The following AOAH variants were observed in gnomAD, a reference collection of about 807,000 sequenced individuals.
The protein encoded by AOAH is acyloxyacyl hydrolase.
A neutral mutation model predicts 92.2 loss-of-function variants in AOAH; 64 were observed. The ratio of observed to expected loss-of-function variants is 0.69; its 90% CI spans 0.57 to 0.86. AOAH has a LOEUF of 0.86. Among genes scored for constraint, AOAH ranks in the 40% least tolerant of loss-of-function variants. The pLI is 0.00. For missense variants in AOAH, 656 were observed against 694.6 expected, an observed-to-expected ratio of 0.94 and a Z score of 0.62; for synonymous variants, 263 against 254.5, an observed-to-expected ratio of 1.03 and a Z score of -0.32.
intron 1 of AOAH, 77 bp from the exon 2 acceptor site, chr7:36,686,871 C>T (rs1584116433): frequency 1.9e-5 from 10 of 519,318 alleles, no homozygotes; most frequent in Non-Finnish European, 2.6e-5. Flanking sequence ...AGAAAGGATG[C>T]GTGTGTGTGT....
At chr7:36,631,647 G>C (rs1032656508) in intron 6 of AOAH, among the ~76,000 whole-genome samples, 2 of 152,162 alleles carry the variant, frequency 1.3e-5, no homozygotes, top group African/African-American at 4.8e-5. Context: ...TGAGTGTCTT[G>C]CACTAAAGAT....
chr7:36,528,444 T>C (rs540684202), intron 19 of AOAH, among the ~76,000 whole-genome samples: 20 of 152,306 alleles, frequency 1.3e-4, no homozygotes, highest in South Asian at 1.0e-3. Context: ...AGCTCTTCTC[T>C]CTATATCCTC....
At chr7:36,535,686 G>A (rs1474172610) in intron 16 of AOAH, among the ~76,000 whole-genome samples, 2 of 152,108 alleles carry the variant, frequency 1.3e-5, no homozygotes, top group South Asian at 2.1e-4. Flanking sequence ...ATGGGCACTC[G>A]GCACGTTCGC....
intron 6 of AOAH, among the ~76,000 whole-genome samples, chr7:36,631,611 G>GA (rs1299800311): frequency 6.6e-6 from 1 of 152,172 alleles, no homozygotes; most frequent in African/African-American, 2.4e-5. Flanking sequence ...TGGGCGCTGT[G>GA]AAAACACAGT....
rs142450449 is a variant in AOAH at position 36,618,653 on chromosome 7, T to A, written c.703-308A>T. On this transcript the variant is annotated intron_variant, in intron 9 of 20. Coordinates refer to ENST00000617537, the MANE Select transcript of AOAH (RefSeq NM_001637.4). ...CTCAGAGCATGGAGGGTCCACTGAG[T>A]GACTGGACACAGGGTCTGGGCGGAT... 1.1e-3 allele frequency among the ~76,000 whole-genome samples: 167 copies of A among 152,154 alleles called. 1 individual carries two copies. Among genetic ancestry groups the A allele is most frequent in the Non-Finnish European group, 2.1e-3 (141 of 67,998 alleles).
intron 20 of AOAH, among the ~76,000 whole-genome samples, chr7:36,521,186 C>T (rs1456027233): frequency 6.6e-6 from 1 of 152,086 alleles, no homozygotes; most frequent in Admixed American, 6.5e-5. Context: ...CAGGTTTGTA[C>T]CCTTTGGTAG....
At chr7:36,628,955 C>G (rs1183007785) in intron 6 of AOAH, among the ~76,000 whole-genome samples, 1 of 152,204 alleles carries the variant, frequency 6.6e-6, no homozygotes, top group Non-Finnish European at 1.5e-5. Flanking sequence ...ATTACCGGAT[C>G]TGTGACCTTG....
chr7:36,669,744 A>G (rs1384198605), intron 3 of AOAH, among the ~76,000 whole-genome samples: 2 of 152,166 alleles, frequency 1.3e-5, no homozygotes, highest in Non-Finnish European at 2.9e-5. Flanking sequence ...GGTATACCAT[A>G]ATTGTTATCA....
chr7:36,573,687 C>T (rs1354552941), intron 13 of AOAH, among the ~76,000 whole-genome samples: 1 of 152,102 alleles, frequency 6.6e-6, no homozygotes, highest in Non-Finnish European at 1.5e-5. Flanking sequence ...CACTGCACTC[C>T]AGCCTGGGCG....
intron 4 of AOAH, among the ~76,000 whole-genome samples, chr7:36,655,948 C>T (rs1224084978): frequency 1.3e-5 from 2 of 152,026 alleles, no homozygotes; most frequent in Non-Finnish European, 2.9e-5. Context: ...CTAATAGGGC[C>T]CGCCTCCCTG....
At chr7:36,697,291 T>C (rs1340901220) in intron 1 of AOAH, among the ~76,000 whole-genome samples, 2 of 152,232 alleles carry the variant, frequency 1.3e-5, no homozygotes, top group African/African-American at 4.8e-5. Flanking sequence ...CTACTTCTAT[T>C]GGGCTGACAA....
intron 11 of AOAH, among the ~76,000 whole-genome samples, chr7:36,604,425 C>G (rs1238746799): frequency 6.6e-6 from 1 of 152,092 alleles, no homozygotes; most frequent in Non-Finnish European, 1.5e-5. Context: ...AGTTATCCAC[C>G]TTTATCTATT....
rs768074623 is a variant in AOAH, at chr7:36,618,330, C to T, written c.718G>A (p.Asp240Asn). ...CNGIWGVDPK[D>N]GVPYEKKFCE... ...AATTTCTTCTCATATGGAACTCCAT[C>T]TTTTGGATCGACACCCTTTAAAAAA... Residue 240 changes from aspartate to asparagine, a missense_variant, in exon 10 of 21, where the codon GAT (aspartate) becomes AAT (asparagine). Coordinates refer to ENST00000617537, the MANE Select transcript of AOAH (RefSeq NM_001637.4). 6.2e-7 allele frequency: 1 copy of T among 1,614,088 alleles called. No homozygotes were observed. The highest frequency in any genetic ancestry group is 8.5e-7 in the Non-Finnish European group (1 of 1,179,958).
chr7:36,723,971 G>T (rs1330073775), intron 1 of AOAH, 51 bp downstream of exon 1: 6 of 1,578,496 alleles, frequency 3.8e-6, no homozygotes, highest in Non-Finnish European at 5.2e-6. Context: ...CAAAGTACTG[G>T]ATCCCATTGT....
chr7:36,612,334 A>T lies in AOAH; in HGVS notation c.846+4046T>A, dbSNP rs78657569. Among the ~76,000 whole-genome samples, 651 of 152,318 alleles carry T rather than the reference A, an allele frequency of 4.3e-3. 5 individuals carry two copies. Among genetic ancestry groups the T allele is most frequent in the East Asian group, 0.024 (123 of 5,186 alleles). ...ATTTTGTAACCTGCTTTTGTTGCTTAACCGATTATCATAAACATATTTCTT... is the reference window on the plus strand; with the variant it reads ...ATTTTGTAACCTGCTTTTGTTGCTTTACCGATTATCATAAACATATTTCTT... On this transcript the variant is annotated intron_variant, in intron 11 of 20. Coordinates refer to ENST00000617537, the MANE Select transcript of AOAH (RefSeq NM_001637.4).
chr7:36,582,594 AT>A (rs1214704828), intron 12 of AOAH, among the ~76,000 whole-genome samples: 2 of 152,210 alleles, frequency 1.3e-5, no homozygotes, highest in Non-Finnish European at 2.9e-5. Context: ...CCCCCACTGC[AT>A]TTCGGTAGAA....
chr7:36,676,420 T>G (rs1305993108), intron 2 of AOAH, among the ~76,000 whole-genome samples: 1 of 152,134 alleles, frequency 6.6e-6, no homozygotes, highest in East Asian at 1.9e-4. Flanking sequence ...GTGCAAAATA[T>G]ATACTCTGAA....
intron 2 of AOAH, among the ~76,000 whole-genome samples, chr7:36,678,605 G>GCGCA (rs1554314429): frequency 1.3e-5 from 2 of 148,612 alleles, no homozygotes; most frequent in Admixed American, 6.7e-5. Context: ...GTGTGTGCGC[G>GCGCA]CGCGCGCGCG....
At chr7:36,691,094 G>C (rs545091900) in intron 1 of AOAH, among the ~76,000 whole-genome samples, 1 of 152,182 alleles carries the variant, frequency 6.6e-6, no homozygotes, top group South Asian at 2.1e-4. Context: ...TTTTGACCCT[G>C]AGTAGAAGCA....
Sources: allele counts gnomAD v4.1 joint callset (sites outside exome capture counted in the v4.1 genomes callset), GRCh38; gene constraint gnomAD v4.1.1; transcripts MANE v1.5; gene names NCBI Gene and HGNC (gene_info 2026-07-23, HGNC 2026-07-21).